The following PCDH11X variants were observed in gnomAD, a reference collection of about 807,000 sequenced individuals.
PCDH11X encodes protocadherin 11 X-linked, also known as protocadherin-11 X-linked.
PCDH11X carries 18 observed loss-of-function variants against 53.3 expected under a neutral mutation model. The observed-to-expected ratio is 0.34, with a 90% CI of 0.23 to 0.50. The LOEUF (loss-of-function observed/expected upper bound fraction) is 0.50, where lower values mean the gene tolerates loss of function less well. Among genes scored for constraint, PCDH11X ranks in the 20% least tolerant of loss-of-function variants. The pLI is 0.98. For synonymous variants in PCDH11X, 279 were observed against 393.3 expected (o/e 0.71, Z 3.44); for missense variants, 570 against 1,032.4 (o/e 0.55, Z 6.14).
intron 1 of PCDH11X, among the ~76,000 whole-genome samples, chrX:91,800,013 C>T (rs1162684809): frequency 3.6e-5 from 4 of 112,452 alleles, no homozygotes; most frequent in Admixed American, 9.4e-5. Flanking sequence ...CGCTTGAACC[C>T]GGGAGGCGGA....
chrX:91,879,296 C>A lies in PCDH11X; in HGVS notation c.3033+23C>A, dbSNP rs1295121685. ...CCGGTAGGTATCCAAGTTTCTAACA[C>A]AACTTTCTAACTATTTTTTTATTAT... On this transcript the variant is annotated intron_variant, in intron 6 of 10. Transcript: ENST00000682573. 2.5e-6 allele frequency: 3 copies of A among 1,210,345 alleles called. No individual in the cohort carries two copies. In the South Asian group the frequency reaches 5.3e-5, roughly 21 times the overall value.
intron 6 of PCDH11X, among the ~76,000 whole-genome samples, chrX:92,100,672 T>G (rs891912091): frequency 7.2e-5 from 8 of 111,166 alleles, no homozygotes; most frequent in African/African-American, 2.6e-4. Context: ...TGGCTTGGCT[T>G]GGGCTCAGAG....
At chrX:91,949,481 CT>C (rs2061613524) in intron 6 of PCDH11X, among the ~76,000 whole-genome samples, 1 of 110,275 alleles carries the variant, frequency 9.1e-6, no homozygotes, top group Admixed American at 9.7e-5. Flanking sequence ...AAAATAAAGA[CT>C]AGTGACTAGG....
chrX:92,550,126 A>G (rs1293782846), intron 10 of PCDH11X, among the ~76,000 whole-genome samples: 1 of 110,483 alleles, frequency 9.1e-6, no homozygotes, highest in East Asian at 2.8e-4. Context: ...GCTTCTAGTA[A>G]CCGCAATTCT....
intron 4 of PCDH11X, among the ~76,000 whole-genome samples, chrX:91,830,932 A>G (rs1030642688): frequency 8.9e-6 from 1 of 111,756 alleles, no homozygotes; most frequent in African/African-American, 3.2e-5. Flanking sequence ...TAAATATATT[A>G]CAAATGAAAC....
intron 9 of PCDH11X, among the ~76,000 whole-genome samples, chrX:92,462,295 C>T (rs1489288256): frequency 3.6e-5 from 4 of 110,561 alleles, no homozygotes; most frequent in Admixed American, 9.7e-5. Flanking sequence ...AGTCTTTTAG[C>T]AATGTACAGA....
chrX:91,850,364 T>G (rs527886457), intron 5 of PCDH11X, among the ~76,000 whole-genome samples: 2 of 111,177 alleles, frequency 1.8e-5, no homozygotes, highest in African/African-American at 6.5e-5. Flanking sequence ...TAGCCTTGCA[T>G]ACATTTTAAA....
chrX:92,108,573 T>C (rs1330189959), intron 6 of PCDH11X, among the ~76,000 whole-genome samples: 2 of 111,657 alleles, frequency 1.8e-5, no homozygotes, highest in Admixed American at 9.6e-5. Context: ...ATGGTACACA[T>C]ATAATATAAT....
intron 4 of PCDH11X, among the ~76,000 whole-genome samples, chrX:91,823,690 A>G (rs1264910676): frequency 2.7e-5 from 3 of 110,830 alleles, no homozygotes; most frequent in Non-Finnish European, 3.8e-5. Flanking sequence ...AGTTAATAGT[A>G]TTATGTGTGA....
chrX:91,828,513 G>T (rs1266591571), intron 4 of PCDH11X, among the ~76,000 whole-genome samples: 2 of 110,386 alleles, frequency 1.8e-5, no homozygotes, highest in Non-Finnish European at 3.8e-5. Flanking sequence ...ATTTTTAATT[G>T]GTTATCCATT....
intron 7 of PCDH11X, among the ~76,000 whole-genome samples, chrX:92,207,749 C>T (rs1318046099): frequency 9.0e-6 from 1 of 111,344 alleles, no homozygotes; most frequent in African/African-American, 3.3e-5. Context: ...TATCAATGGT[C>T]ACAGCTTATG....
At chrX:91,823,406 T>G (rs747409570) in intron 4 of PCDH11X, among the ~76,000 whole-genome samples, 3 of 111,438 alleles carry the variant, frequency 2.7e-5, no homozygotes, top group African/African-American at 6.5e-5. Context: ...TCTTGTTGAA[T>G]TGATCCCTTT....
At chrX:92,312,591 A>G (rs1028286382) in intron 8 of PCDH11X, among the ~76,000 whole-genome samples, 7 of 110,712 alleles carry the variant, frequency 6.3e-5, no homozygotes, top group African/African-American at 2.3e-4. Context: ...ACAAGAACAC[A>G]TGCAAAAAGG....
At chrX:92,236,833 A>G (rs759823762) in intron 7 of PCDH11X, among the ~76,000 whole-genome samples, 9 of 111,968 alleles carry the variant, frequency 8.0e-5, no homozygotes, top group Non-Finnish European at 1.7e-4. Context: ...AAATTTTCAT[A>G]AAATACTCTT....
chrX:92,156,666 G>A (rs1247706429), intron 6 of PCDH11X, among the ~76,000 whole-genome samples: 1 of 112,087 alleles, frequency 8.9e-6, no homozygotes, highest in African/African-American at 3.2e-5. Context: ...AATGAATGAA[G>A]GAATGTAACT....
Position 92,178,454 on chromosome X carries a change from C to A in PCDH11X, c.3034-22921C>A, listed in dbSNP as rs1232640398. On this transcript the variant is annotated intron_variant, in intron 6 of 10. Coordinates refer to ENST00000682573, the MANE Select transcript of PCDH11X (RefSeq NM_032968.5). ...ATTCTTTGTTATTTAAAACACTGGC[C>A]TAATGGCATGTCTCCATACTTTAAA... Among the ~76,000 whole-genome samples, 3 of 111,928 alleles carry A rather than the reference C, an allele frequency of 2.7e-5. No individual in the cohort carries two copies. The Admixed American group carries it at 2.9e-4, about 11-fold the overall frequency.
chrX:92,600,889 G>C (rs1926151900), intron 10 of PCDH11X, among the ~76,000 whole-genome samples: 1 of 103,713 alleles, frequency 9.6e-6, no homozygotes, highest in African/African-American at 3.6e-5. Context: ...GTGTGACGTG[G>C]ATGTGAAACA....
intron 7 of PCDH11X, among the ~76,000 whole-genome samples, chrX:92,216,045 A>C: frequency 9.1e-6 from 1 of 109,791 alleles, no homozygotes; most frequent in African/African-American, 3.3e-5. Flanking sequence ...CACACCAAAA[A>C]CCCATCTGTA....
chrX:92,571,712 A>G (rs1446195426), intron 10 of PCDH11X, among the ~76,000 whole-genome samples: 1 of 109,089 alleles, frequency 9.2e-6, no homozygotes, highest in East Asian at 2.9e-4. Context: ...GATTTAGGCT[A>G]GGTTTAATAG....
Sources: allele counts gnomAD v4.1 joint callset (sites outside exome capture counted in the v4.1 genomes callset), GRCh38; gene constraint gnomAD v4.1.1; transcripts MANE v1.5; gene names NCBI Gene and HGNC (gene_info 2026-07-23, HGNC 2026-07-21).